The following PRDM16 variants were observed in gnomAD, a reference collection of about 807,000 sequenced individuals.
The protein encoded by PRDM16 is PR/SET domain 16, also known as histone-lysine N-methyltransferase PRDM16.
Under a neutral mutation model 110.6 loss-of-function variants are expected in PRDM16, and 23 were observed. That is an observed-to-expected ratio of 0.21 (90% CI 0.15 to 0.29). The LOEUF is 0.29. Ranked by LOEUF, PRDM16 falls within the 10% of genes least tolerant of loss-of-function variation. PRDM16 has a pLI of 1.00. For synonymous variants in PRDM16, 799 were observed against 781.8 expected (o/e 1.02, Z -0.37); for missense variants, 1,615 against 1,794.3 (o/e 0.90, Z 1.81).
At chr1:3,071,346 A>G (rs1641755571) in intron 1 of PRDM16, among the ~76,000 whole-genome samples, 1 of 152,250 alleles carries the variant, frequency 6.6e-6, no homozygotes, top group Admixed American at 6.5e-5. Flanking sequence ...TCTGGCCAGG[A>G]GGCCGGAGAG....
At chr1:3,410,088 G>GCA (rs1643658247) in intron 8 of PRDM16, among the ~76,000 whole-genome samples, 2 of 146,138 alleles carry the variant, frequency 1.4e-5, no homozygotes, top group Non-Finnish European at 3.0e-5. Flanking sequence ...GTGTATGAAT[G>GCA]TGTGTGGTTG....
At chr1:3,185,271 T>C (rs1314357109) in intron 1 of PRDM16, among the ~76,000 whole-genome samples, 1 of 152,174 alleles carries the variant, frequency 6.6e-6, no homozygotes, top group Non-Finnish European at 1.5e-5. Flanking sequence ...CCCAAAGGCC[T>C]ATCCCAGACA....
At chr1:3,198,500 G>A (rs551727586) in intron 2 of PRDM16, among the ~76,000 whole-genome samples, 13 of 152,326 alleles carry the variant, frequency 8.5e-5, no homozygotes, top group Middle Eastern at 3.4e-3. Flanking sequence ...TTGCAGCTCC[G>A]GGCCCACCTG....
Position 3,437,660 on chromosome 1 carries a change from T to C in PRDM16, c.*3849T>C, listed in dbSNP as rs560790611. 1.0e-3 allele frequency: 237 copies of C among 226,876 alleles called. 2 individuals carry two copies. The Middle Eastern group carries it at 0.015, about 14-fold the overall frequency. 14.1% of individuals were successfully genotyped at this position (226,876 alleles called of 1,614,324 possible). ...TACTGTGACAAAACCATCCTTGCAT[T>C]CTTCCTAGAAGAGTTCCTCTGCTCC... On this transcript the variant is annotated 3_prime_UTR_variant, in exon 17 of 17. Transcript: ENST00000270722.
chr1:3,376,044 G>T (rs1450621044), intron 3 of PRDM16, among the ~76,000 whole-genome samples: 5 of 152,112 alleles, frequency 3.3e-5, no homozygotes, highest in Non-Finnish European at 7.4e-5. Context: ...TGCTTTGGGG[G>T]AGATGGTCAG....
intron 12 of PRDM16, 75 bp downstream of exon 12, chr1:3,418,819 A>C (rs1023206595): frequency 1.5e-5 from 17 of 1,137,584 alleles, no homozygotes; most frequent in Non-Finnish European, 2.3e-5. Flanking sequence ...CCTAGGAGTA[A>C]GTATGCCATT....
At chr1:3,344,633 AG>A (rs1414394380) in intron 3 of PRDM16, among the ~76,000 whole-genome samples, 1 of 152,214 alleles carries the variant, frequency 6.6e-6, no homozygotes, top group Non-Finnish European at 1.5e-5. Context: ...ATGACATTGT[AG>A]AAACTCTGGA....
chr1:3,363,841 C>G (rs1642761171), intron 3 of PRDM16, among the ~76,000 whole-genome samples: 1 of 152,144 alleles, frequency 6.6e-6, no homozygotes, highest in South Asian at 2.1e-4. Context: ...CAGAAAACTC[C>G]AAACATCACA....
chr1:3,144,363 G>A (rs756086064), intron 1 of PRDM16, among the ~76,000 whole-genome samples: 45 of 152,222 alleles, frequency 3.0e-4, no homozygotes, highest in Non-Finnish European at 5.7e-4. Flanking sequence ...CCCCATCCCA[G>A]CTGCCCTGTC....
chr1:3,437,055 C>T lies in PRDM16; in HGVS notation c.*3244C>T, dbSNP rs1638928418. ...TGGGGTTCCTCCTCTGTGGGCCTGG[C>T]AGACCCTTCATGAGTGGGACCCAAG... On this transcript the variant is annotated 3_prime_UTR_variant, in exon 17 of 17. Transcript: ENST00000270722. 1 of 232,890 alleles carries T rather than the reference C, an allele frequency of 4.3e-6. No individual in the cohort carries two copies. 14.4% of individuals were successfully genotyped at this position (232,890 alleles called of 1,614,324 possible).
intron 12 of PRDM16, among the ~76,000 whole-genome samples, chr1:3,419,631 G>C (rs1638374658): frequency 1.3e-5 from 2 of 152,196 alleles, no homozygotes; most frequent in Non-Finnish European, 2.9e-5. Context: ...TGGGGATAAA[G>C]AGTGCTTCAC....
Position 3,101,209 on chromosome 1 carries a change from C to T in PRDM16, c.37+31913C>T, listed in dbSNP as rs140978939. Reference sequence around the variant, plus strand: ...CTGCTCCTCCTCCCTCTGGCCCCAGCGGACGAGCAAACACTCTTCCCGAGA... The same window carrying T: ...CTGCTCCTCCTCCCTCTGGCCCCAGTGGACGAGCAAACACTCTTCCCGAGA... On this transcript the variant is annotated intron_variant, in intron 1 of 16. Transcript: ENST00000270722. Among the ~76,000 whole-genome samples the T allele has an allele frequency of 3.9e-3, 601 of 152,278 alleles. 4 individuals carry two copies. Among genetic ancestry groups the T allele is most frequent in the Non-Finnish European group, 5.7e-3 (385 of 68,014 alleles).
chr1:3,435,026 G>A lies in PRDM16; in HGVS notation c.*1215G>A, dbSNP rs1461757622. On this transcript the variant is annotated 3_prime_UTR_variant, in exon 17 of 17. Coordinates refer to ENST00000270722, the MANE Select transcript of PRDM16 (RefSeq NM_022114.4). ...GTCGCTCTTCCTGCGGGTTCTTGGC[G>A]AGACACAGCTTGAGAACAGAAGGGC... 7 of 227,726 alleles carry A rather than the reference G, an allele frequency of 3.1e-5. No individual in the cohort carries two copies. Among genetic ancestry groups the A allele is most frequent in the Admixed American group, 5.7e-5 (1 of 17,588 alleles). 14.1% of individuals were successfully genotyped at this position (227,726 alleles called of 1,614,324 possible).
At chr1:3,251,217 C>T (rs958926313) in intron 3 of PRDM16, among the ~76,000 whole-genome samples, 13 of 152,126 alleles carry the variant, frequency 8.5e-5, no homozygotes, top group Admixed American at 7.9e-4. Flanking sequence ...CCCGGGGCAG[C>T]GCGGCCCTCA....
At chr1:3,224,668 G>A (rs933541461) in intron 2 of PRDM16, among the ~76,000 whole-genome samples, 3 of 152,354 alleles carry the variant, frequency 2.0e-5, no homozygotes, top group South Asian at 4.1e-4. Flanking sequence ...TGCATTAGGC[G>A]GCCCCAAGGG....
intron 1 of PRDM16, among the ~76,000 whole-genome samples, chr1:3,170,308 G>C (rs550482263): frequency 7.2e-5 from 11 of 152,346 alleles, no homozygotes; most frequent in African/African-American, 2.4e-4. Context: ...CTGAAGGGGT[G>C]AGGCTTCCAG....
intron 4 of PRDM16, among the ~76,000 whole-genome samples, chr1:3,391,814 C>G (rs150389028): frequency 6.6e-6 from 1 of 152,210 alleles, no homozygotes; most frequent in Non-Finnish European, 1.5e-5. Context: ...AAATTGAGGC[C>G]GGCCAGAGGC....
rs141437055 is a variant in PRDM16, at chr1:3,348,616, G to A, written c.439-36536G>A. Among the ~76,000 whole-genome samples the A allele has an allele frequency of 5.9e-3, 895 of 152,368 alleles. 26 individuals carry two copies. Among genetic ancestry groups the A allele is most frequent in the Admixed American group, 0.049 (747 of 15,310 alleles). On this transcript the variant is annotated intron_variant, in intron 3 of 16. Transcript: ENST00000270722. ...CCAGCAGAAGGAGGGGGGCTTCCCC[G>A]GAGCTTTGAACTCACAGTGCCCCTC...
At position 3,260,241 on chromosome 1, in the gene PRDM16, C is replaced by G. The variant is rs547388734; in HGVS notation, c.438+16104C>G. 1.8e-3 allele frequency among the ~76,000 whole-genome samples: 269 copies of G among 152,358 alleles called. 9 individuals are homozygous for G. Among genetic ancestry groups the G allele is most frequent in the Admixed American group, 0.018 (268 of 15,304 alleles). ...CTGGGGGGCCAGGCCCCAAGGACAGCTCCACAGGCCTTTGGGGTTTTACTC... is the reference window on the plus strand; with the variant it reads ...CTGGGGGGCCAGGCCCCAAGGACAGGTCCACAGGCCTTTGGGGTTTTACTC... On this transcript the variant is annotated intron_variant, in intron 3 of 16. Transcript: ENST00000270722.
Sources: allele counts gnomAD v4.1 joint callset (sites outside exome capture counted in the v4.1 genomes callset), GRCh38; gene constraint gnomAD v4.1.1; transcripts MANE v1.5; gene names NCBI Gene and HGNC (gene_info 2026-07-23, HGNC 2026-07-21).